UBR3: variants seen among roughly 807,000 people sequenced by gnomAD.
The protein encoded by UBR3 is E3 ubiquitin-protein ligase UBR3.
In UBR3, 85 loss-of-function variants were observed where a neutral mutation model predicts 243.2. That is an observed-to-expected ratio of 0.35 (90% confidence interval 0.29 to 0.42). UBR3 has a LOEUF of 0.42. UBR3 is among the 10% of genes least tolerant of loss of function. The pLI is 1.00. For synonymous variants in UBR3, 748 were observed against 799.8 expected, an observed-to-expected ratio of 0.94 and a Z score of 1.09; for missense variants, 1,686 against 2,300.8, an observed-to-expected ratio of 0.73 and a Z score of 5.47.
intron 6 of UBR3, among the ~76,000 whole-genome samples, chr2:169,892,168 A>G (rs2084401183): frequency 6.6e-6 from 1 of 152,176 alleles, no homozygotes; most frequent in African/African-American, 2.4e-5. Context: ...GTTGCTAGGA[A>G]AGGGTATGGA....
At chr2:169,870,689 A>G (rs547746100) in intron 1 of UBR3, among the ~76,000 whole-genome samples, 1 of 151,600 alleles carries the variant, frequency 6.6e-6, no homozygotes, top group South Asian at 2.1e-4. Flanking sequence ...ACTGTCACTT[A>G]GTCACCCAGG....
chr2:169,829,198 A>G (rs1398222430), intron 1 of UBR3, among the ~76,000 whole-genome samples: 1 of 151,954 alleles, frequency 6.6e-6, no homozygotes, highest in African/African-American at 2.4e-5. Context: ...TGTACCTACT[A>G]TGTGCAAGCA....
At chr2:169,862,203 AG>A (rs1367645155) in intron 1 of UBR3, among the ~76,000 whole-genome samples, 1 of 151,862 alleles carries the variant, frequency 6.6e-6, no homozygotes, top group Non-Finnish European at 1.5e-5. Context: ...TAAAATTTTT[AG>A]TTTTCATAAA....
chr2:169,992,460 T>C (rs1262712672), intron 25 of UBR3, among the ~76,000 whole-genome samples: 1 of 152,184 alleles, frequency 6.6e-6, no homozygotes, highest in Non-Finnish European at 1.5e-5. Context: ...AGGAAAACAG[T>C]AGACCAATAT....
chr2:170,044,463 T>C (rs1245248586), intron 32 of UBR3, among the ~76,000 whole-genome samples: 1 of 152,190 alleles, frequency 6.6e-6, no homozygotes, highest in African/African-American at 2.4e-5. Context: ...TTTTTTTCTT[T>C]GATCTCTTAT....
At chr2:169,924,249 T>C in intron 13 of UBR3, 76 bp downstream of exon 13, 1 of 1,114,366 alleles carries the variant, frequency 9.0e-7, no homozygotes, top group Admixed American at 3.1e-5. Flanking sequence ...TATATGCCTT[T>C]CATTGTTATT....
chr2:170,031,947 C>T (rs998850875), intron 31 of UBR3, among the ~76,000 whole-genome samples: 2 of 151,998 alleles, frequency 1.3e-5, no homozygotes, highest in Non-Finnish European at 2.9e-5. Flanking sequence ...AGGTTTATTC[C>T]GTGTCTTTGC....
chr2:170,080,478 A>G, intron 37 of UBR3, 67 bp from the exon 38 acceptor site: 3 of 1,418,242 alleles, frequency 2.1e-6, no homozygotes, highest in African/African-American at 1.4e-5. Context: ...AGGCATTAAT[A>G]TATTCTTGAT....
intron 24 of UBR3, among the ~76,000 whole-genome samples, chr2:169,968,627 C>G (rs894133206): frequency 2.0e-5 from 3 of 152,114 alleles, no homozygotes; most frequent in African/African-American, 7.2e-5. Flanking sequence ...GTGCTGTCTT[C>G]ACTATTGTGA....
intron 26 of UBR3, among the ~76,000 whole-genome samples, chr2:169,999,656 T>A (rs186376844): frequency 1.3e-5 from 2 of 152,308 alleles, no homozygotes; most frequent in African/African-American, 4.8e-5. Context: ...AGAGAATGAA[T>A]TAAAGTTTGG....
intron 28 of UBR3, among the ~76,000 whole-genome samples, chr2:170,008,167 T>G (rs936627581): frequency 1.3e-5 from 2 of 152,188 alleles, no homozygotes; most frequent in African/African-American, 4.8e-5. Flanking sequence ...TCTTAAAATA[T>G]TTCACCTTCA....
At chr2:169,926,636 A>T in intron 14 of UBR3, 56 bp from the exon 15 acceptor site, 1 of 1,454,614 alleles carries the variant, frequency 6.9e-7, no homozygotes, top group Non-Finnish European at 9.2e-7. Flanking sequence ...AAACATGATT[A>T]ATAGAAGAAG....
At chr2:169,935,187 A>C (rs1159481225) in intron 19 of UBR3, among the ~76,000 whole-genome samples, 1 of 152,198 alleles carries the variant, frequency 6.6e-6, no homozygotes, top group Non-Finnish European at 1.5e-5. Context: ...TGTTTTTGAG[A>C]CAAGGTCTCA....
At chr2:169,937,547 A>G (rs901565909) in intron 19 of UBR3, among the ~76,000 whole-genome samples, 4 of 152,090 alleles carry the variant, frequency 2.6e-5, no homozygotes, top group Non-Finnish European at 4.4e-5. Context: ...TTTTGTTGCC[A>G]TTGCTTTTGG....
intron 24 of UBR3, among the ~76,000 whole-genome samples, chr2:169,975,193 C>A (rs2088368910): frequency 6.6e-6 from 1 of 152,076 alleles, no homozygotes; most frequent in Non-Finnish European, 1.5e-5. Flanking sequence ...CAAAAATTCC[C>A]TCTTAATTTC....
chr2:170,077,230 C>T, intron 36 of UBR3: 1 of 720,094 alleles, frequency 1.4e-6, no homozygotes, highest in Non-Finnish European at 2.6e-6. Flanking sequence ...GCTGTCAGAC[C>T]AGTAAGACTG....
chr2:169,907,180 G>C (rs187142021), intron 10 of UBR3, among the ~76,000 whole-genome samples: 39 of 151,838 alleles, frequency 2.6e-4, no homozygotes, highest in Admixed American at 8.5e-4. Flanking sequence ...GGGATTACAG[G>C]TGTGCACCGG....
At chr2:169,906,003 G>A (rs746741402) in intron 9 of UBR3, 28 bp from the exon 10 acceptor site, 88 of 1,544,642 alleles carry the variant, frequency 5.7e-5, no homozygotes, top group Non-Finnish European at 7.5e-5. Context: ...CACTTGACAA[G>A]GTTTATATCT....
At chr2:169,873,708 A>G (rs986919509) in intron 2 of UBR3, among the ~76,000 whole-genome samples, 9 of 152,164 alleles carry the variant, frequency 5.9e-5, no homozygotes, top group African/African-American at 1.9e-4. Flanking sequence ...AAGAACAGAA[A>G]AAAGAATATA....
Sources: allele counts gnomAD v4.1 joint callset (sites outside exome capture counted in the v4.1 genomes callset), GRCh38; gene constraint gnomAD v4.1.1; transcripts MANE v1.5; gene names NCBI Gene and HGNC (gene_info 2026-07-23, HGNC 2026-07-21).